The following LRP1B variants were observed in gnomAD, a reference collection of about 807,000 sequenced individuals.
LRP1B encodes LDL receptor related protein 1B.
LRP1B carries 217 observed loss-of-function variants against 556.6 expected under a neutral mutation model. The observed-to-expected ratio is 0.39, with a 90% confidence interval of 0.35 to 0.44. LRP1B has a LOEUF of 0.44. LRP1B is among the 20% of genes least tolerant of loss of function. The pLI, the probability that LRP1B is intolerant of heterozygous loss-of-function variation, is 1.00. For synonymous variants in LRP1B, 2,047 were observed against 1,865.8 expected (o/e 1.10, Z -2.50); for missense variants, 5,053 against 5,620.8 (o/e 0.90, Z 3.23).
intron 5 of LRP1B, among the ~76,000 whole-genome samples, chr2:141,231,813 A>C (rs551639830): frequency 6.6e-6 from 1 of 152,300 alleles, no homozygotes; most frequent in East Asian, 1.9e-4. Context: ...CAAGACATTA[A>C]ATATTTTTTA....
At chr2:141,665,043 A>G (rs1284853545) in intron 2 of LRP1B, among the ~76,000 whole-genome samples, 2 of 152,190 alleles carry the variant, frequency 1.3e-5, no homozygotes, top group Non-Finnish European at 2.9e-5. Context: ...GAACACAGAA[A>G]TAAGACTGCA....
intron 37 of LRP1B, among the ~76,000 whole-genome samples, chr2:140,715,076 T>C (rs1574273643): frequency 6.6e-6 from 1 of 152,004 alleles, no homozygotes; most frequent in East Asian, 1.9e-4. Flanking sequence ...ATAAGAAATA[T>C]TTTAAAAATT....
chr2:141,786,427 GA>G (rs1695432126), intron 2 of LRP1B, among the ~76,000 whole-genome samples: 1 of 151,856 alleles, frequency 6.6e-6, no homozygotes, highest in Non-Finnish European at 1.5e-5. Context: ...GTATGGTTTT[GA>G]AAGCCGAAAA....
At chr2:140,317,194 A>AT (rs1684562852) in intron 82 of LRP1B, among the ~76,000 whole-genome samples, 1 of 152,100 alleles carries the variant, frequency 6.6e-6, no homozygotes, top group African/African-American at 2.4e-5. Flanking sequence ...AGATCCATGG[A>AT]TTTTAGACTC....
At chr2:142,050,720 A>C (rs1476261818) in intron 1 of LRP1B, among the ~76,000 whole-genome samples, 2 of 152,136 alleles carry the variant, frequency 1.3e-5, no homozygotes, top group African/African-American at 2.4e-5. Context: ...ACTCCCACCT[A>C]TGCCCAACAC....
At chr2:141,737,714 T>C (rs1360445279) in intron 2 of LRP1B, among the ~76,000 whole-genome samples, 2 of 152,174 alleles carry the variant, frequency 1.3e-5, no homozygotes, top group Non-Finnish European at 2.9e-5. Context: ...AATAGTGGAT[T>C]GCTTGTAAAT....
intron 7 of LRP1B, among the ~76,000 whole-genome samples, chr2:141,071,035 G>A (rs1055467692): frequency 2.6e-5 from 4 of 151,672 alleles, no homozygotes; most frequent in East Asian, 3.9e-4. Context: ...TACCAAAGCC[G>A]GGCAGAGACA....
At chr2:140,866,734 A>G (rs1018858582) in intron 27 of LRP1B, among the ~76,000 whole-genome samples, 4 of 152,094 alleles carry the variant, frequency 2.6e-5, no homozygotes, top group South Asian at 4.1e-4. Flanking sequence ...GACAAAGGAG[A>G]GCCATGTGAT....
intron 1 of LRP1B, among the ~76,000 whole-genome samples, chr2:142,108,789 A>G (rs1387504176): frequency 6.6e-6 from 1 of 152,184 alleles, no homozygotes; most frequent in Non-Finnish European, 1.5e-5. Context: ...TAAGTTTTCT[A>G]TCACTTACGA....
chr2:141,454,072 A>C (rs1681537911), intron 3 of LRP1B, among the ~76,000 whole-genome samples: 1 of 152,144 alleles, frequency 6.6e-6, no homozygotes, highest in Non-Finnish European at 1.5e-5. Flanking sequence ...TTGCCCCCAA[A>C]TATGTATTTA....
chr2:141,025,708 C>T (rs1441359018), intron 11 of LRP1B, among the ~76,000 whole-genome samples: 2 of 151,996 alleles, frequency 1.3e-5, no homozygotes, highest in African/African-American at 4.8e-5. Flanking sequence ...ATTGTGTGAC[C>T]TAATTCCTTA....
chr2:141,070,480 C>G (rs1433012786), intron 7 of LRP1B, among the ~76,000 whole-genome samples: 1 of 151,792 alleles, frequency 6.6e-6, no homozygotes, highest in Non-Finnish European at 1.5e-5. Context: ...CAAAAGCTAG[C>G]AGAAGGCAAG....
At chr2:140,453,729 A>C (rs568746474) in intron 62 of LRP1B, among the ~76,000 whole-genome samples, 1 of 152,102 alleles carries the variant, frequency 6.6e-6, no homozygotes, top group Non-Finnish European at 1.5e-5. Context: ...CTTAATCTTA[A>C]TTTTTACTAG....
chr2:140,728,629 G>C (rs1687673251), intron 35 of LRP1B, among the ~76,000 whole-genome samples: 1 of 152,092 alleles, frequency 6.6e-6, no homozygotes. Context: ...ATCAGACAAA[G>C]AAGTAAGATA....
rs527862781 is a variant in LRP1B at position 141,355,710 on chromosome 2, G to A, written c.344-101069C>T. On this transcript the variant is annotated intron_variant, in intron 3 of 90. Coordinates refer to ENST00000389484, the MANE Select transcript of LRP1B (RefSeq NM_018557.3). ...CCAAAAGTCAAATTAATGAACGAAGGAAAATATAAATCCCAGTAACTAGTA... is the reference window on the plus strand; with the variant it reads ...CCAAAAGTCAAATTAATGAACGAAGAAAAATATAAATCCCAGTAACTAGTA... Among the ~76,000 whole-genome samples, 760 of 151,558 alleles carry A rather than the reference G, an allele frequency of 5.0e-3. 3 individuals are homozygous for A. Among genetic ancestry groups the A allele is most frequent in the Non-Finnish European group, 8.2e-3 (556 of 67,962 alleles).
chr2:140,526,686 C>G (rs1261849691), intron 47 of LRP1B, among the ~76,000 whole-genome samples: 1 of 117,346 alleles, frequency 8.5e-6, no homozygotes, highest in African/African-American at 3.3e-5. Flanking sequence ...TAATATCACC[C>G]TAGCACTGAG....
At chr2:141,149,862 T>C (rs565434336) in intron 7 of LRP1B, among the ~76,000 whole-genome samples, 20 of 152,346 alleles carry the variant, frequency 1.3e-4, no homozygotes, top group African/African-American at 4.6e-4. Context: ...ATCTGTGCTA[T>C]GTATAGACAA....
intron 86 of LRP1B, among the ~76,000 whole-genome samples, chr2:140,248,013 A>G (rs956837944): frequency 6.6e-6 from 1 of 151,570 alleles, no homozygotes; most frequent in East Asian, 2.0e-4. Flanking sequence ...CCACCATATC[A>G]AGAATAGTTG....
chr2:141,928,600 C>T (rs1348193865), intron 1 of LRP1B, among the ~76,000 whole-genome samples: 1 of 152,098 alleles, frequency 6.6e-6, no homozygotes, highest in Non-Finnish European at 1.5e-5. Context: ...ATATTGGTAT[C>T]TGATGGCAGA....
Sources: allele counts gnomAD v4.1 joint callset (sites outside exome capture counted in the v4.1 genomes callset), GRCh38; gene constraint gnomAD v4.1.1; transcripts MANE v1.5; gene names NCBI Gene and HGNC (gene_info 2026-07-23, HGNC 2026-07-21).